RYR2: variants seen among roughly 807,000 people sequenced by gnomAD.
RYR2 encodes ryanodine receptor 2, also known as cardiac muscle ryanodine receptor-calcium release channel.
Under a neutral mutation model 601.1 loss-of-function variants are expected in RYR2, and 227 were observed. That is an observed-to-expected ratio of 0.38 (90% CI 0.34 to 0.42). RYR2 has a LOEUF of 0.42. Among genes scored for constraint, RYR2 ranks in the 10% least tolerant of loss-of-function variants. The probability of loss-of-function intolerance (pLI) is 1.00; values close to 1 mark genes in which losing one functional copy is unlikely to be tolerated. For missense variants in RYR2, 4,646 were observed against 6,156.5 expected (o/e 0.75, Z 8.21); for synonymous variants, 2,223 against 2,175.1 (o/e 1.02, Z -0.61).
At chr1:237,701,576 T>C (rs1687974060) in intron 65 of RYR2, among the ~76,000 whole-genome samples, 1 of 152,050 alleles carries the variant, frequency 6.6e-6, no homozygotes, top group African/African-American at 2.4e-5. Flanking sequence ...TTTATTTGTA[T>C]AAATTTACGG....
chr1:237,794,218 A>G (rs1658811310), intron 95 of RYR2, among the ~76,000 whole-genome samples: 1 of 152,186 alleles, frequency 6.6e-6, no homozygotes, highest in Admixed American at 6.5e-5. Flanking sequence ...AAAATGGCTT[A>G]GAGTTCATTT....
chr1:237,830,097 T>C (rs751876283), intron 102 of RYR2: 1 of 170,894 alleles, frequency 5.9e-6, no homozygotes, highest in African/African-American at 2.4e-5. Flanking sequence ...AAGTAATCTG[T>C]ACCTATTCCC....
intron 2 of RYR2, among the ~76,000 whole-genome samples, chr1:237,287,813 A>G (rs372497702): frequency 1.3e-5 from 2 of 152,040 alleles, no homozygotes; most frequent in Non-Finnish European, 2.9e-5. Flanking sequence ...TTGTCAGGTA[A>G]ATCAGGGATT....
intron 3 of RYR2, among the ~76,000 whole-genome samples, chr1:237,340,943 T>C (rs1407973626): frequency 2.0e-5 from 3 of 152,178 alleles, no homozygotes; most frequent in Non-Finnish European, 4.4e-5. Flanking sequence ...GATGCATCTT[T>C]CAGTTTTACT....
At chr1:237,491,698 A>T in intron 17 of RYR2, 108 bp from the exon 18 acceptor site, 1 of 633,566 alleles carries the variant, frequency 1.6e-6, no homozygotes, top group Non-Finnish European at 2.9e-6. Context: ...TTGAGCACAG[A>T]TAATTACATG....
chr1:237,674,503 T>C (rs1287765441), intron 59 of RYR2, among the ~76,000 whole-genome samples: 1 of 152,142 alleles, frequency 6.6e-6, no homozygotes, highest in Admixed American at 6.6e-5. Flanking sequence ...CTTCGTTGCA[T>C]AGTAAGAGAG....
At chr1:237,202,672 T>C (rs1681329703) in intron 1 of RYR2, among the ~76,000 whole-genome samples, 1 of 152,208 alleles carries the variant, frequency 6.6e-6, no homozygotes, top group Admixed American at 6.5e-5. Context: ...CCTTCCAAAG[T>C]GCTGGGATTA....
chr1:237,710,078 C>G (rs1301938491), intron 70 of RYR2, among the ~76,000 whole-genome samples: 1 of 152,138 alleles, frequency 6.6e-6, no homozygotes, highest in African/African-American at 2.4e-5. Context: ...GATAGAATTT[C>G]TAAAGTACGT....
chr1:237,198,968 C>T (rs913814195), intron 1 of RYR2, among the ~76,000 whole-genome samples: 2 of 151,842 alleles, frequency 1.3e-5, no homozygotes, highest in Admixed American at 6.6e-5. Context: ...AAGAATTTAA[C>T]AAACTTAATT....
rs1020407396 is a variant in RYR2, at chr1:237,149,794, C to T, written c.48+107225C>T. On this transcript the variant is annotated intron_variant, in intron 1 of 104. Coordinates refer to ENST00000366574, the MANE Select transcript of RYR2 (RefSeq NM_001035.3). ...CCTTGTTTTCATGTGAAATGAAGTC[C>T]GAGCTACTTCAATGCTATCTTGAAA... is the stretch of plus-strand genomic sequence containing the variant. Among the ~76,000 whole-genome samples the T allele has an allele frequency of 2.0e-5, 3 of 151,266 alleles. No individual in the cohort carries two copies. The East Asian group carries it at 5.8e-4, about 29-fold the overall frequency.
Position 237,707,150 on chromosome 1 carries a change from C to G in RYR2, c.9782C>G (p.Ala3261Gly). ...EHGPENNPER[A>G]EMCCTALNSE... is the part of the protein sequence containing the mutation. ...GGACCTGAGAACAATCCAGAACGGGCCGAGATGTGCTGCACAGCCCTGAAC... is the reference window on the plus strand; with the variant it reads ...GGACCTGAGAACAATCCAGAACGGGGCGAGATGTGCTGCACAGCCCTGAAC... Residue 3261 changes from alanine to glycine, a missense_variant, in exon 68 of 105, where the codon GCC becomes GGC. Physicochemically the swap from Ala to Gly is moderately conservative, Grantham distance 60. This residue lies in a region of RYR2 where 1,497 missense variants were observed against 1,842.6 expected (regional missense o/e 0.81). Coordinates refer to ENST00000366574, the MANE Select transcript of RYR2 (RefSeq NM_001035.3). 6.2e-7 allele frequency: 1 copy of G among 1,613,752 alleles called. No individual in the cohort carries two copies. Among genetic ancestry groups the G allele is most frequent in the East Asian group, 2.2e-5 (1 of 44,878 alleles).
intron 1 of RYR2, among the ~76,000 whole-genome samples, chr1:237,229,806 T>C (rs1220677253): frequency 6.6e-6 from 1 of 152,158 alleles, no homozygotes; most frequent in African/African-American, 2.4e-5. Flanking sequence ...GCCCTTACTG[T>C]AAGCTCAAGG....
chr1:237,151,244 A>G (rs773441517), intron 1 of RYR2, among the ~76,000 whole-genome samples: 1 of 152,186 alleles, frequency 6.6e-6, no homozygotes, highest in Non-Finnish European at 1.5e-5. Flanking sequence ...AGACAAAATT[A>G]TGCTTCTCCC....
At chr1:237,678,222 CTG>C (rs1478041467) in intron 61 of RYR2, 110 bp downstream of exon 61, 1 of 646,046 alleles carries the variant, frequency 1.5e-6, no homozygotes, top group East Asian at 2.8e-5. Flanking sequence ...GTGTATTTTA[CTG>C]CACGTAAATA....
intron 2 of RYR2, 49 bp downstream of exon 2, chr1:237,270,665 G>A (rs1386440371): frequency 1.3e-6 from 2 of 1,546,134 alleles, no homozygotes; most frequent in Non-Finnish European, 8.8e-7. Flanking sequence ...TTTTACTAGT[G>A]GCATTGAAGT....
intron 38 of RYR2, among the ~76,000 whole-genome samples, chr1:237,618,488 G>C (rs1443951874): frequency 1.3e-5 from 2 of 152,110 alleles, no homozygotes; most frequent in African/African-American, 2.4e-5. Flanking sequence ...GGAACAACAT[G>C]GTGGTGAGTT....
intron 29 of RYR2, among the ~76,000 whole-genome samples, chr1:237,582,269 A>ATTT (rs34174618): frequency 6.8e-6 from 1 of 147,460 alleles, no homozygotes; most frequent in Non-Finnish European, 1.5e-5. Context: ...CACCCAGATA[A>ATTT]TTTTTTTTTT....
rs373609202 is a variant in RYR2 at position 237,591,005 on chromosome 1, T to C, written c.4160+13T>C. 4 of 1,594,736 alleles carry C rather than the reference T, an allele frequency of 2.5e-6. No homozygotes were observed. The highest frequency in any genetic ancestry group is 3.4e-6 in the Non-Finnish European group (4 of 1,168,628). ...GTCTGAAACAAAGGTTACTAATTTA[T>C]ACGCTGTGATTTTAAATTTGTAGTT... On this transcript the variant is annotated intron_variant, in intron 31 of 104. Coordinates refer to ENST00000366574, the MANE Select transcript of RYR2 (RefSeq NM_001035.3).
At chr1:237,080,671 CA>C (rs1273164102) in intron 1 of RYR2, among the ~76,000 whole-genome samples, 1 of 63,708 alleles carries the variant, frequency 1.6e-5, no homozygotes, top group East Asian at 3.4e-4. Context: ...AACACTTTTA[CA>C]CTGTTGGTGG....
Sources: allele counts gnomAD v4.1 joint callset (sites outside exome capture counted in the v4.1 genomes callset), GRCh38; gene constraint gnomAD v4.1.1; regional missense constraint gnomAD v4.1.1; transcripts MANE v1.5; gene names NCBI Gene and HGNC (gene_info 2026-07-23, HGNC 2026-07-21).